EPS15: variants seen among roughly 807,000 people sequenced by gnomAD.
EPS15 encodes epidermal growth factor receptor pathway substrate 15.
EPS15 carries 72 observed loss-of-function variants against 113.8 expected under a neutral mutation model. The observed-to-expected ratio is 0.63, with a 90% CI of 0.52 to 0.77. The LOEUF is 0.77. Among genes scored for constraint, EPS15 ranks in the 30% least tolerant of loss-of-function variants. The pLI, the probability that EPS15 is intolerant of heterozygous loss-of-function variation, is 0.00. For missense variants in EPS15, 1,048 were observed against 1,045.8 expected (o/e 1.00, Z -0.03); for synonymous variants, 344 against 363.4 (o/e 0.95, Z 0.61).
intron 2 of EPS15, among the ~76,000 whole-genome samples, chr1:51,478,237 T>C (rs1380522642): frequency 4.6e-5 from 7 of 152,196 alleles, no homozygotes; most frequent in African/African-American, 1.4e-4. Context: ...TTGATCTTTG[T>C]TGGTTTAAAG....
At chr1:51,503,172 TTCATAGA>T (rs1313038340) in intron 1 of EPS15, among the ~76,000 whole-genome samples, 1 of 152,020 alleles carries the variant, frequency 6.6e-6, no homozygotes, top group Non-Finnish European at 1.5e-5. Flanking sequence ...ACATCCCACG[TTCATAGA>T]TCAGAAGACC....
At chr1:51,414,076 G>C (rs1165992620) in intron 13 of EPS15, among the ~76,000 whole-genome samples, 14 of 151,976 alleles carry the variant, frequency 9.2e-5, no homozygotes, top group Non-Finnish European at 1.9e-4. Flanking sequence ...TATTTTAAAA[G>C]AATGTTACCT....
Position 51,356,695 on chromosome 1 carries a change from AT to A in EPS15, c.*4del. 1 of 1,612,782 alleles carries A rather than the reference AT, an allele frequency of 6.2e-7. No homozygotes were observed. The highest frequency in any genetic ancestry group is 1.3e-5 in the African/African-American group (1 of 74,898). ...TATATTGTTGCCAAAGAACAAGAGA[AT>A]TCTTCATGCTTCTGATATCTCAGAT... On this transcript the variant is annotated 3_prime_UTR_variant, in exon 25 of 25. Transcript: ENST00000371733.
intron 2 of EPS15, among the ~76,000 whole-genome samples, chr1:51,476,099 T>C (rs1643893590): frequency 6.6e-6 from 1 of 152,240 alleles, no homozygotes; most frequent in African/African-American, 2.4e-5. Context: ...TAGCATAGTT[T>C]GAAGTCAGGT....
At chr1:51,399,458 G>C (rs1648297268) in intron 19 of EPS15, among the ~76,000 whole-genome samples, 1 of 149,830 alleles carries the variant, frequency 6.7e-6, no homozygotes, top group Non-Finnish European at 1.5e-5. Context: ...AGGCTGAGGT[G>C]GGAGACTCAC....
intron 21 of EPS15, among the ~76,000 whole-genome samples, chr1:51,376,052 T>C (rs1334335047): frequency 2.6e-5 from 4 of 152,220 alleles, no homozygotes; most frequent in African/African-American, 7.2e-5. Context: ...ATTTTCAATG[T>C]AGACAAAGCA....
At chr1:51,419,874 T>C (rs2148447130) in intron 13 of EPS15, among the ~76,000 whole-genome samples, 1 of 152,214 alleles carries the variant, frequency 6.6e-6, no homozygotes, top group Middle Eastern at 3.4e-3. Context: ...TGATCACTAA[T>C]ATAAGAGTTT....
At chr1:51,393,590 T>TGTATA (rs1647614298) in intron 21 of EPS15, among the ~76,000 whole-genome samples, 2 of 152,254 alleles carry the variant, frequency 1.3e-5, no homozygotes, top group Non-Finnish European at 2.9e-5. Context: ...AACAACTCAC[T>TGTATA]CTGTATTCAC....
At chr1:51,483,817 G>C (rs1175964075) in intron 1 of EPS15, among the ~76,000 whole-genome samples, 5 of 151,280 alleles carry the variant, frequency 3.3e-5, no homozygotes, top group African/African-American at 9.7e-5. Flanking sequence ...AAAAAAAAAG[G>C]CAGAGTCAGA....
chr1:51,481,940 C>T (rs911462888), intron 1 of EPS15, among the ~76,000 whole-genome samples: 1 of 152,130 alleles, frequency 6.6e-6, no homozygotes, highest in Non-Finnish European at 1.5e-5. Context: ...GAGGCTGAGG[C>T]AGGAGGACTG....
chr1:51,424,935 G>A (rs1651076113), intron 12 of EPS15, among the ~76,000 whole-genome samples: 1 of 151,970 alleles, frequency 6.6e-6, no homozygotes, highest in African/African-American at 2.4e-5. Context: ...AAAAAGGTGT[G>A]TGAGCATTTT....
chr1:51,453,933 C>T (rs939182335), intron 8 of EPS15, among the ~76,000 whole-genome samples: 1 of 151,486 alleles, frequency 6.6e-6, no homozygotes, highest in African/African-American at 2.4e-5. Flanking sequence ...GCCTATAAAC[C>T]CAGCTACTCT....
chr1:51,451,704 G>A (rs899585343), intron 8 of EPS15, among the ~76,000 whole-genome samples: 4 of 151,556 alleles, frequency 2.6e-5, no homozygotes, highest in Non-Finnish European at 5.9e-5. Flanking sequence ...CACAAAATGG[G>A]AAAAATTTGC....
Position 51,474,495 on chromosome 1 carries a change from G to C in EPS15, c.76-1547C>G, listed in dbSNP as rs759717719. ...AAGCAGACTTCTAATCCGAGATTCA[G>C]CTGAACAAGAATTACACAGGACTGA... On this transcript the variant is annotated intron_variant, in intron 2 of 24. Coordinates refer to ENST00000371733, the MANE Select transcript of EPS15 (RefSeq NM_001981.3). Among the ~76,000 whole-genome samples the C allele has an allele frequency of 5.3e-5, 8 of 152,224 alleles. No homozygotes were observed. The East Asian group carries it at 1.5e-3, about 29-fold the overall frequency.
At chr1:51,508,359 A>AGAAAGAAAGAAAGAAAGAAG (rs1644557596) in intron 1 of EPS15, among the ~76,000 whole-genome samples, 1 of 150,878 alleles carries the variant, frequency 6.6e-6, no homozygotes, top group South Asian at 2.1e-4. Flanking sequence ...AAAGAAAGAA[A>AGAAAGAAAGAAAGAAAGAAG]GAAAGAAAGA....
chr1:51,488,486 A>AAAAAAAAAAAAAAAC (rs1557517789), intron 1 of EPS15, among the ~76,000 whole-genome samples: 6 of 150,678 alleles, frequency 4.0e-5, no homozygotes, highest in African/African-American at 1.5e-4. Flanking sequence ...AAAAAAAAAA[A>AAAAAAAAAAAAAAAC]AAAAAAAAAA....
intron 21 of EPS15, among the ~76,000 whole-genome samples, chr1:51,384,985 A>G (rs945469517): frequency 6.6e-6 from 1 of 152,258 alleles, no homozygotes; most frequent in African/African-American, 2.4e-5. Context: ...AGCTAAAACT[A>G]TAAAACTTAT....
intron 12 of EPS15, among the ~76,000 whole-genome samples, chr1:51,433,488 T>C (rs1185566319): frequency 6.6e-6 from 1 of 152,248 alleles, no homozygotes; most frequent in African/African-American, 2.4e-5. Flanking sequence ...TACTACACTA[T>C]ATTGCCTCAT....
chr1:51,368,259 C>T (rs1646553186), intron 21 of EPS15, among the ~76,000 whole-genome samples: 1 of 152,144 alleles, frequency 6.6e-6, no homozygotes, highest in Non-Finnish European at 1.5e-5. Flanking sequence ...ATATCTTGGA[C>T]ATAAAAAGAG....
Sources: allele counts gnomAD v4.1 joint callset (sites outside exome capture counted in the v4.1 genomes callset), GRCh38; gene constraint gnomAD v4.1.1; transcripts MANE v1.5; gene names NCBI Gene and HGNC (gene_info 2026-07-23, HGNC 2026-07-21).